Variants in FAM117B observed in about 807,000 individuals in gnomAD.
The protein encoded by FAM117B is family with sequence similarity 117 member B, also known as protein FAM117B.
A neutral mutation model predicts 52.8 loss-of-function variants in FAM117B; 22 were observed. The ratio of observed to expected loss-of-function variants is 0.42; its 90% CI spans 0.30 to 0.59. The LOEUF is 0.59. Ranked by LOEUF, FAM117B falls within the 20% of genes least tolerant of loss-of-function variation. The probability of loss-of-function intolerance (pLI) is 0.22; values close to 1 mark genes in which losing one functional copy is unlikely to be tolerated. For missense variants in FAM117B, 678 were observed against 802.6 expected (o/e 0.84, Z 1.88); for synonymous variants, 309 against 324.1 (o/e 0.95, Z 0.50).
At chr2:202,641,292 C>T (rs1345198681) in intron 1 of FAM117B, among the ~76,000 whole-genome samples, 2 of 152,180 alleles carry the variant, frequency 1.3e-5, no homozygotes, top group Admixed American at 6.5e-5. Flanking sequence ...ATAAGCCTAT[C>T]ATATTCAGTT....
chr2:202,746,445 G>A (rs1419972076), intron 4 of FAM117B, among the ~76,000 whole-genome samples: 1 of 151,782 alleles, frequency 6.6e-6, no homozygotes, highest in Non-Finnish European at 1.5e-5. Flanking sequence ...AAACCTATGA[G>A]ATACAGTATA....
At chr2:202,651,841 G>C (rs772942977) in intron 1 of FAM117B, among the ~76,000 whole-genome samples, 3 of 151,894 alleles carry the variant, frequency 2.0e-5, no homozygotes, top group Non-Finnish European at 2.9e-5. Context: ...ATCACCTGAA[G>C]TCAGGAGTTC....
chr2:202,719,353 CT>C (rs1022534776), intron 2 of FAM117B, among the ~76,000 whole-genome samples: 15 of 151,618 alleles, frequency 9.9e-5, no homozygotes, highest in East Asian at 1.9e-4. Context: ...TTTTATATAC[CT>C]TTGCTTTTCT....
At chr2:202,745,138 G>A (rs920971003) in intron 4 of FAM117B, among the ~76,000 whole-genome samples, 3 of 151,712 alleles carry the variant, frequency 2.0e-5, no homozygotes, top group Non-Finnish European at 2.9e-5. Flanking sequence ...AAATTAACTG[G>A]GCGTGGTGGT....
chr2:202,643,052 C>G (rs774102175), intron 1 of FAM117B, among the ~76,000 whole-genome samples: 11 of 152,092 alleles, frequency 7.2e-5, no homozygotes, highest in Non-Finnish European at 1.3e-4. Flanking sequence ...AGTCAATGAT[C>G]TGTGAGAGAA....
chr2:202,719,850 T>A (rs1318394567), intron 2 of FAM117B, among the ~76,000 whole-genome samples: 1 of 152,174 alleles, frequency 6.6e-6, no homozygotes, highest in East Asian at 1.9e-4. Flanking sequence ...GACATTAATG[T>A]TTTTTAAGAG....
intron 4 of FAM117B, among the ~76,000 whole-genome samples, chr2:202,750,121 G>A (rs141946796): frequency 1.3e-5 from 2 of 152,208 alleles, no homozygotes; most frequent in Non-Finnish European, 2.9e-5. Flanking sequence ...CCTTCTTGCT[G>A]TGTGCTTATA....
At chr2:202,708,572 G>A (rs1036819237) in intron 2 of FAM117B, among the ~76,000 whole-genome samples, 3 of 152,038 alleles carry the variant, frequency 2.0e-5, no homozygotes, top group African/African-American at 7.2e-5. Context: ...AGTTCTTTTG[G>A]AATTGCTAGA....
At chr2:202,650,301 G>A in intron 1 of FAM117B, among the ~76,000 whole-genome samples, 1 of 152,072 alleles carries the variant, frequency 6.6e-6, no homozygotes, top group Admixed American at 6.6e-5. Context: ...GAACCTACTT[G>A]GGTGGTCGGG....
At position 202,700,867 on chromosome 2, in the gene FAM117B, T is replaced by C. The variant is rs74911727; in HGVS notation, c.753+4835T>C. ...CACTGACATGCTTGTATTTTTTCTT[T>C]TTTAAATGTTTTTGTAGAGACAGGA... is the stretch of plus-strand genomic sequence containing the variant. On this transcript the variant is annotated intron_variant, in intron 2 of 7. Transcript: ENST00000392238. Among the ~76,000 whole-genome samples, 442 of 152,256 alleles carry C rather than the reference T, an allele frequency of 2.9e-3. 2 individuals carry two copies. Among genetic ancestry groups the C allele is most frequent in the Non-Finnish European group, 5.6e-3 (383 of 68,012 alleles).
At position 202,635,574 on chromosome 2, in the gene FAM117B, C is replaced by T. The variant is rs2105748666; in HGVS notation, c.387C>T (p.Ala129=). Reference sequence around the variant, plus strand: ...GAGGCACCAGCCCCACGCGCAGCGCCGCGCCTGGAGCTCGCGGGAGCCCCC... The same window carrying T: ...GAGGCACCAGCCCCACGCGCAGCGCTGCGCCTGGAGCTCGCGGGAGCCCCC... ...STRGTSPTRS[A]APGARGSPPR... The change falls in exon 1 of 8, where the codon GCC becomes GCT. Residue 129 remains alanine (A), a synonymous_variant. Transcript: ENST00000392238. The T allele has an allele frequency of 2.4e-6, 3 of 1,234,078 alleles. No homozygotes were observed. The highest frequency in any genetic ancestry group is 3.5e-5 in the East Asian group (1 of 28,936). The allele number at this position is 1,234,078 out of a possible 1,614,324, so 76.4% of individuals were successfully genotyped here. A position where few individuals can be genotyped will look rare whatever the true frequency, so the allele number is the denominator to read the frequency against.
chr2:202,728,902 T>C (rs1330077701), intron 4 of FAM117B, among the ~76,000 whole-genome samples: 1 of 152,122 alleles, frequency 6.6e-6, no homozygotes, highest in African/African-American at 2.4e-5. Flanking sequence ...ACTTGAAAAA[T>C]AGTTCATCTA....
At chr2:202,679,179 T>C (rs964936093) in intron 1 of FAM117B, among the ~76,000 whole-genome samples, 1 of 152,184 alleles carries the variant, frequency 6.6e-6, no homozygotes, top group African/African-American at 2.4e-5. Flanking sequence ...TTTTTAGATA[T>C]TAGATTACAG....
chr2:202,644,582 GT>G (rs1277164642), intron 1 of FAM117B, among the ~76,000 whole-genome samples: 1 of 152,184 alleles, frequency 6.6e-6, no homozygotes, highest in Non-Finnish European at 1.5e-5. Flanking sequence ...ATTTCTGGAT[GT>G]TGTTTTGCTG....
Position 202,635,093 on chromosome 2 carries a change from G to C in FAM117B, c.-95G>C. 1.6e-6 allele frequency: 2 copies of C among 1,244,658 alleles called. No homozygotes were observed. Among genetic ancestry groups the C allele is most frequent in the Non-Finnish European group, 2.0e-6 (2 of 992,736 alleles). 77.1% of individuals were successfully genotyped at this position (1,244,658 alleles called of 1,614,324 possible). On this transcript the variant is annotated 5_prime_UTR_variant, in exon 1 of 8. Transcript: ENST00000392238. ...GAGTCCGGCTTCGTCACCCCGTCTT[G>C]GGGGGCCTGCCCTCCGGCCTCGAGA...
chr2:202,713,375 T>C (rs768578334), intron 2 of FAM117B, among the ~76,000 whole-genome samples: 4 of 152,214 alleles, frequency 2.6e-5, no homozygotes, highest in Non-Finnish European at 4.4e-5. Flanking sequence ...AGTTGTAATA[T>C]CTACTTTTCC....
chr2:202,712,419 C>CTTT (rs1186703318), intron 2 of FAM117B, among the ~76,000 whole-genome samples: 2,724 of 89,166 alleles, frequency 0.031, 13 homozygotes, highest in African/African-American at 0.052. Flanking sequence ...TATCAGCTCT[C>CTTT]TTTTTTTTTT....
chr2:202,692,755 A>T (rs1690654360), intron 1 of FAM117B, among the ~76,000 whole-genome samples: 1 of 152,122 alleles, frequency 6.6e-6, no homozygotes, highest in Admixed American at 6.5e-5. Context: ...TGTCATTATG[A>T]TTTGTAGTGC....
intron 1 of FAM117B, among the ~76,000 whole-genome samples, chr2:202,665,561 CGTT>C (rs932489442): frequency 7.2e-5 from 11 of 152,158 alleles, no homozygotes; most frequent in African/African-American, 2.4e-4. Context: ...TGTGATATCT[CGTT>C]GTGTTTTCAG....
Sources: gnomAD v4.1 joint callset for allele counts (sites outside exome capture counted in the v4.1 genomes callset) on GRCh38, gnomAD v4.1.1 for gene constraint, MANE v1.5 for transcripts, NCBI Gene and HGNC (gene_info 2026-07-23, HGNC 2026-07-21) for gene names.